The following CACNA1E variants were observed in gnomAD, a reference collection of about 807,000 sequenced individuals.
The protein encoded by CACNA1E is calcium voltage-gated channel subunit alpha1 E, also known as voltage-dependent R-type calcium channel subunit alpha-1E.
In CACNA1E, 40 loss-of-function variants were observed where a neutral mutation model predicts 259.2. The ratio of observed to expected loss-of-function variants is 0.15; its 90% CI spans 0.12 to 0.20. The LOEUF is 0.20. CACNA1E is among the 10% of genes least tolerant of loss of function. The pLI, the probability that CACNA1E is intolerant of heterozygous loss-of-function variation, is 1.00. For missense variants in CACNA1E, 1,874 were observed against 3,040.1 expected (o/e 0.62, Z 9.02); for synonymous variants, 1,104 against 1,138.5 (o/e 0.97, Z 0.61).
intron 3 of CACNA1E, among the ~76,000 whole-genome samples, chr1:181,554,464 T>A (rs905192687): frequency 6.6e-6 from 1 of 152,224 alleles, no homozygotes; most frequent in Non-Finnish European, 1.5e-5. Context: ...ACCATATCTT[T>A]AGCATTTTCC....
chr1:181,554,350 G>A (rs1648505094), intron 3 of CACNA1E, among the ~76,000 whole-genome samples: 4 of 152,000 alleles, frequency 2.6e-5, no homozygotes, highest in South Asian at 2.1e-4. Flanking sequence ...ATATAATTTG[G>A]GAATGATTGT....
At chr1:181,662,281 C>T (rs1647763941) in intron 7 of CACNA1E, among the ~76,000 whole-genome samples, 1 of 152,180 alleles carries the variant, frequency 6.6e-6, no homozygotes, top group Non-Finnish European at 1.5e-5. Flanking sequence ...GTGCCTGCCT[C>T]CTTGTTACAG....
chr1:181,590,412 A>AT lies in CACNA1E; in HGVS notation c.951+9636_951+9637insT, dbSNP rs1423754228. 2.4e-3 allele frequency among the ~76,000 whole-genome samples: 291 copies of AT among 121,596 alleles called. 4 individuals carry two copies. Among genetic ancestry groups the AT allele is most frequent in the African/African-American group, 9.3e-3 (275 of 29,482 alleles). 79.8% of individuals were successfully genotyped at this position (121,596 alleles called of 152,430 possible). On this transcript the variant is annotated intron_variant, in intron 6 of 47. Transcript: ENST00000367573. ...AGTGGAGTCAATTACAAAAAAAAAA[A>AT]AAAAATATATATATATATATATATT...
rs58946698 is a variant in CACNA1E, at chr1:181,391,925, GTCTC to G, written c.-14-21190_-14-21187del. On this transcript the variant is annotated intron_variant, in intron 1 of 11. Coordinates refer to the CACNA1E transcript ENST00000524607. ...TCTCTCTCTGTCTTTCTCTCTCTCT[GTCTC>G]TCTCTCTCTCTCTCTCTGTGTGTGT... is the stretch of plus-strand genomic sequence containing the variant. Among the ~76,000 whole-genome samples, 164 of 147,820 alleles carry G rather than the reference GTCTC, an allele frequency of 1.1e-3. 1 individual carries two copies. The highest frequency in any genetic ancestry group is 3.7e-3 in the African/African-American group (146 of 39,602).
At chr1:181,652,375 A>T (rs1658832287) in intron 7 of CACNA1E, among the ~76,000 whole-genome samples, 1 of 152,224 alleles carries the variant, frequency 6.6e-6, no homozygotes, top group South Asian at 2.1e-4. Flanking sequence ...TTCTGTTTAA[A>T]CATGGCAGAT....
rs530244075 is a variant in CACNA1E, at chr1:181,771,493, C to G, written c.4973+109C>G. On this transcript the variant is annotated intron_variant, in intron 36 of 47. Coordinates refer to ENST00000367573, the MANE Select transcript of CACNA1E (RefSeq NM_001205293.3). ...TTGTATCTTTATTCCACTTCCTTTG[C>G]TCCTGTCAGTAGAAAGGGGAACAGG... 127 of 684,430 alleles carry G rather than the reference C, an allele frequency of 1.9e-4. 1 individual carries two copies. In the East Asian group the frequency reaches 3.0e-3, roughly 16 times the overall value. 42.4% of individuals were successfully genotyped at this position (684,430 alleles called of 1,614,324 possible). A position where few individuals can be genotyped will look rare whatever the true frequency, so the allele number is the denominator to read the frequency against.
At chr1:181,583,701 AT>A (rs1651779274) in intron 6 of CACNA1E, among the ~76,000 whole-genome samples, 1 of 152,042 alleles carries the variant, frequency 6.6e-6, no homozygotes, top group Non-Finnish European at 1.5e-5. Context: ...ATTATAATGA[AT>A]TGTAAGGGGG....
Position 181,739,144 on chromosome 1 carries a change from C to T in CACNA1E, c.3613-3C>T, listed in dbSNP as rs767425447. The T allele has an allele frequency of 1.9e-6, 3 of 1,580,524 alleles. No individual in the cohort carries two copies. Among genetic ancestry groups the T allele is most frequent in the Non-Finnish European group, 2.6e-6 (3 of 1,149,308 alleles). On this transcript the variant is annotated splice_region_variant and splice_polypyrimidine_tract_variant and intron_variant, in intron 24 of 47. Transcript: ENST00000367573. ...CACTGTGGCTGTTCATATCCTTCTG[C>T]AGATGATAGACCAAGGCTTGATCCT...
intron 3 of CACNA1E, among the ~76,000 whole-genome samples, chr1:181,546,306 G>C (rs1647467472): frequency 6.6e-6 from 1 of 152,160 alleles, no homozygotes; most frequent in Non-Finnish European, 1.5e-5. Context: ...CCTCTGCCCT[G>C]CTGTGTGAGA....
intron 2 of CACNA1E, among the ~76,000 whole-genome samples, chr1:181,447,038 G>C (rs1017211992): frequency 8.5e-5 from 13 of 152,156 alleles, no homozygotes; most frequent in African/African-American, 3.1e-4. Context: ...GCACTTCCAA[G>C]GTTCTTACAT....
intron 6 of CACNA1E, among the ~76,000 whole-genome samples, chr1:181,587,699 C>T (rs1298179104): frequency 6.6e-6 from 1 of 151,978 alleles, no homozygotes; most frequent in South Asian, 2.1e-4. Context: ...CTGGCTAACA[C>T]GGTGAAACCC....
chr1:181,398,046 G>T (rs113160467), intron 1 of CACNA1E, among the ~76,000 whole-genome samples: 1 of 152,208 alleles, frequency 6.6e-6, no homozygotes, highest in Non-Finnish European at 1.5e-5. Flanking sequence ...TGGGGAAGCC[G>T]CCTCTTTCTC....
At chr1:181,544,389 C>T (rs189008351) in intron 3 of CACNA1E, among the ~76,000 whole-genome samples, 3 of 122,102 alleles carry the variant, frequency 2.5e-5, no homozygotes, top group Non-Finnish European at 5.3e-5. Context: ...GTTGCACAAT[C>T]CTGAATATAC....
chr1:181,680,486 A>G (rs1449024047), intron 7 of CACNA1E, among the ~76,000 whole-genome samples: 1 of 152,132 alleles, frequency 6.6e-6, no homozygotes, highest in Non-Finnish European at 1.5e-5. Flanking sequence ...GCCAACCCAC[A>G]GGGCCGGGAA....
In CACNA1E at chr1:181,407,050, C is replaced by T. The variant is rs591993; in HGVS notation, c.-14-6083C>T. On this transcript the variant is annotated intron_variant, in intron 1 of 11. Transcript: ENST00000524607. Reference sequence around the variant, plus strand: ...AGAATACGGACTCTTTCAACTCCTCCGCAGAGACTCAGACTGACTTAGTGC... The same window carrying T: ...AGAATACGGACTCTTTCAACTCCTCTGCAGAGACTCAGACTGACTTAGTGC... 6.0e-3 allele frequency among the ~76,000 whole-genome samples: 919 copies of T among 152,300 alleles called. 7 individuals carry two copies. Among genetic ancestry groups the T allele is most frequent in the African/African-American group, 0.02 (851 of 41,562 alleles).
chr1:181,481,987 G>T (rs576964756), upstream of CACNA1E, among the ~76,000 whole-genome samples: 1 of 152,342 alleles, frequency 6.6e-6, no homozygotes, highest in South Asian at 2.1e-4. Flanking sequence ...CCTTCCAGGA[G>T]ACGTCGGGCA....
chr1:181,669,928 TG>T (rs974055218), intron 7 of CACNA1E, among the ~76,000 whole-genome samples: 5 of 152,228 alleles, frequency 3.3e-5, no homozygotes, highest in Non-Finnish European at 2.9e-5. Flanking sequence ...ATGATCCCAG[TG>T]TAATTGTTGC....
intron 25 of CACNA1E, among the ~76,000 whole-genome samples, chr1:181,742,981 TA>T (rs528053472): frequency 0.01 from 1,584 of 152,104 alleles, 28 homozygotes; most frequent in African/African-American, 0.036. Flanking sequence ...GAGCAGTGGA[TA>T]AAAAAAATAA....
intron 7 of CACNA1E, among the ~76,000 whole-genome samples, chr1:181,667,343 G>C (rs951567983): frequency 1.8e-4 from 28 of 152,120 alleles, no homozygotes; most frequent in African/African-American, 6.8e-4. Flanking sequence ...AGATCACCTA[G>C]TATATGATCC....
Sources: gnomAD v4.1 joint callset for allele counts (sites outside exome capture counted in the v4.1 genomes callset) on GRCh38, gnomAD v4.1.1 for gene constraint, MANE v1.5 for transcripts, NCBI Gene and HGNC (gene_info 2026-07-23, HGNC 2026-07-21) for gene names.